The following TEAD1 variants were observed in gnomAD, a reference collection of about 807,000 sequenced individuals.
TEAD1 encodes transcriptional enhancer factor TEF-1.
In TEAD1, 9 loss-of-function variants were observed where a neutral mutation model predicts 54.9. That is an observed-to-expected ratio of 0.16 (90% confidence interval 0.10 to 0.29). The LOEUF is 0.29. TEAD1 is among the 10% of genes least tolerant of loss of function. The probability of loss-of-function intolerance (pLI) is 1.00; values close to 1 mark genes in which losing one functional copy is unlikely to be tolerated. For synonymous variants in TEAD1, 200 were observed against 187.8 expected, an observed-to-expected ratio of 1.07 and a Z score of -0.53; for missense variants, 387 against 535.9, an observed-to-expected ratio of 0.72 and a Z score of 2.74.
intron 11 of TEAD1, among the ~76,000 whole-genome samples, chr11:12,929,454 G>A (rs1175085499): frequency 6.7e-6 from 1 of 149,662 alleles, no homozygotes; most frequent in African/African-American, 2.5e-5. Context: ...TTAAGGATGT[G>A]TGTTTTATTC....
chr11:12,685,821 C>T (rs1943320546), intron 2 of TEAD1, among the ~76,000 whole-genome samples: 1 of 152,146 alleles, frequency 6.6e-6, no homozygotes, highest in South Asian at 2.1e-4. Context: ...ACCTGGAAGG[C>T]ATGGGAGGCC....
intron 2 of TEAD1, among the ~76,000 whole-genome samples, chr11:12,715,618 A>T (rs1944042981): frequency 6.6e-6 from 1 of 151,980 alleles, no homozygotes; most frequent in Admixed American, 6.5e-5. Context: ...TGGCATGGAG[A>T]CCTACCTTGC....
At chr11:12,737,820 G>T (rs925454983) in intron 2 of TEAD1, among the ~76,000 whole-genome samples, 7 of 152,196 alleles carry the variant, frequency 4.6e-5, no homozygotes, top group Non-Finnish European at 1.0e-4. Context: ...TAAGGGTGAT[G>T]TATTAGTCCA....
intron 11 of TEAD1, among the ~76,000 whole-genome samples, chr11:12,925,729 C>T (rs1445256684): frequency 6.6e-6 from 1 of 151,992 alleles, no homozygotes; most frequent in Non-Finnish European, 1.5e-5. Context: ...TCGAGATAGG[C>T]CCTGCCACTC....
At chr11:12,791,148 A>G (rs757792746) in intron 3 of TEAD1, among the ~76,000 whole-genome samples, 5 of 152,060 alleles carry the variant, frequency 3.3e-5, no homozygotes, top group African/African-American at 1.2e-4. Context: ...AGGGATAGCT[A>G]CTCTTGTGTT....
chr11:12,738,353 G>A (rs1168820972), intron 2 of TEAD1, among the ~76,000 whole-genome samples: 1 of 152,184 alleles, frequency 6.6e-6, no homozygotes, highest in Admixed American at 6.5e-5. Flanking sequence ...TAGCAGCCTT[G>A]AAGAATGTTT....
At chr11:12,823,508 G>A (rs530808732) in intron 3 of TEAD1, 2 of 152,314 alleles carry the variant, frequency 1.3e-5, no homozygotes, top group South Asian at 4.1e-4. Context: ...GCATGCTGGG[G>A]ACCTTCTCAG....
At chr11:12,932,434 TTA>T (rs1949027769) in intron 12 of TEAD1, among the ~76,000 whole-genome samples, 1 of 152,140 alleles carries the variant, frequency 6.6e-6, no homozygotes, top group Middle Eastern at 3.2e-3. Context: ...TCTTAGCTGT[TTA>T]TTAAAAATCA....
rs902115851 is a variant in TEAD1, at chr11:12,941,282, A to G, written c.*4060A>G. The G allele has an allele frequency of 5.3e-5, 8 of 152,188 alleles. No homozygotes were observed. The highest frequency in any genetic ancestry group is 5.2e-4 in the Admixed American group (8 of 15,290). The allele number at this position is 152,188 out of a possible 1,614,324, so 9.4% of individuals were successfully genotyped here. A position where few individuals can be genotyped will look rare whatever the true frequency, so the allele number is the denominator to read the frequency against. On this transcript the variant is annotated 3_prime_UTR_variant, in exon 13 of 13. Coordinates refer to ENST00000527636, the MANE Select transcript of TEAD1 (RefSeq NM_021961.6). ...AAGCAGGTAGGAAAGCTGGCGAGCC[A>G]TTTTACTTCCTGAGGACAATTCCCC... is the stretch of plus-strand genomic sequence containing the variant.
intron 3 of TEAD1, among the ~76,000 whole-genome samples, chr11:12,784,279 G>C (rs946545361): frequency 6.6e-6 from 1 of 152,194 alleles, no homozygotes; most frequent in African/African-American, 2.4e-5. Flanking sequence ...CAAGTTGTAA[G>C]GGCCAGAGTT....
At chr11:12,889,673 G>A (rs988714533) in intron 9 of TEAD1, among the ~76,000 whole-genome samples, 3 of 152,198 alleles carry the variant, frequency 2.0e-5, no homozygotes, top group Non-Finnish European at 1.5e-5. Context: ...GAACAAACCC[G>A]ATCAGGGAAG....
chr11:12,800,873 C>T (rs1377337154), intron 3 of TEAD1, among the ~76,000 whole-genome samples: 1 of 152,200 alleles, frequency 6.6e-6, no homozygotes, highest in African/African-American at 2.4e-5. Context: ...ATCTTAGGCA[C>T]TAGCCTAAGT....
At chr11:12,850,883 A>ATTT (rs1947259645) in intron 3 of TEAD1, among the ~76,000 whole-genome samples, 2 of 152,188 alleles carry the variant, frequency 1.3e-5, no homozygotes, top group Admixed American at 1.3e-4. Flanking sequence ...TGGCAGGGAC[A>ATTT]TGGGTATAGG....
chr11:12,722,843 C>T (rs994901313), intron 2 of TEAD1, among the ~76,000 whole-genome samples: 3 of 152,144 alleles, frequency 2.0e-5, no homozygotes, highest in Admixed American at 6.5e-5. Context: ...GTATTCTGCT[C>T]TTTTCAGTAA....
intron 3 of TEAD1, among the ~76,000 whole-genome samples, chr11:12,764,826 G>T (rs1210757143): frequency 6.6e-6 from 1 of 150,488 alleles, no homozygotes; most frequent in African/African-American, 2.5e-5. Context: ...AGGAATGGGG[G>T]CCTGGTGCTC....
Position 12,775,325 on chromosome 11 carries a change from G to A in TEAD1, c.202+10891G>A, listed in dbSNP as rs1473756448. On this transcript the variant is annotated intron_variant, in intron 3 of 12. Transcript: ENST00000527636. ...GGTTCATCAGGCCTCCCTCACAGTG[G>A]CCCTCCGCAGCATCAGAGGGAAGTA... is the stretch of plus-strand genomic sequence containing the variant. Among the ~76,000 whole-genome samples, 18 of 152,206 alleles carry A rather than the reference G, an allele frequency of 1.2e-4. No individual in the cohort carries two copies. In the East Asian group the frequency reaches 3.5e-3, roughly 29 times the overall value.
At chr11:12,838,825 T>C (rs541709549) in intron 3 of TEAD1, among the ~76,000 whole-genome samples, 27 of 152,340 alleles carry the variant, frequency 1.8e-4, no homozygotes, top group Middle Eastern at 3.4e-3. Context: ...GCCCAGGCAG[T>C]ACAGTTAAAA....
intron 12 of TEAD1, among the ~76,000 whole-genome samples, chr11:12,936,707 AT>A (rs1296898617): frequency 6.6e-6 from 1 of 152,240 alleles, no homozygotes; most frequent in Non-Finnish European, 1.5e-5. Context: ...AGGGACTGGA[AT>A]TATTACTTGT....
chr11:12,893,292 T>TC, intron 9 of TEAD1, among the ~76,000 whole-genome samples: 1 of 151,930 alleles, frequency 6.6e-6, no homozygotes, highest in East Asian at 1.9e-4. Flanking sequence ...AGATGGAGTG[T>TC]CTCCCGGGGA....
Sources: allele counts gnomAD v4.1 joint callset (sites outside exome capture counted in the v4.1 genomes callset), GRCh38; gene constraint gnomAD v4.1.1; transcripts MANE v1.5; gene names NCBI Gene and HGNC (gene_info 2026-07-23, HGNC 2026-07-21).